Variants in BTG4 observed in about 807,000 individuals in gnomAD.
BTG4 encodes BTG anti-proliferation factor 4.
A neutral mutation model predicts 19.3 loss-of-function variants in BTG4; 10 were observed. That is an observed-to-expected ratio of 0.52 (90% CI 0.32 to 0.88). The LOEUF is 0.88. BTG4 is among the 40% of genes least tolerant of loss of function. The probability of loss-of-function intolerance (pLI) is 0.04; values close to 1 mark genes in which losing one functional copy is unlikely to be tolerated. For missense variants in BTG4, 238 were observed against 281.9 expected, an observed-to-expected ratio of 0.84 and a Z score of 1.11; for synonymous variants, 91 against 95.7, an observed-to-expected ratio of 0.95 and a Z score of 0.29.
intron 5 of BTG4, chr11:111,475,248 T>G (rs1397748861): frequency 1.3e-5 from 2 of 152,366 alleles, no homozygotes; most frequent in Non-Finnish European, 2.9e-5. Context: ...TAGTTTTAAG[T>G]GTATATATAA....
At chr11:111,505,412 G>T (rs1866379277) in intron 1 of BTG4, among the ~76,000 whole-genome samples, 1 of 152,006 alleles carries the variant, frequency 6.6e-6, no homozygotes. Context: ...GGAAAAACTG[G>T]CTAGCCATAT....
the BTG4 span, among the ~76,000 whole-genome samples, chr11:111,431,863 T>C: frequency 1.3e-5 from 2 of 152,130 alleles, no homozygotes; most frequent in East Asian, 3.9e-4. Context: ...CTTGACAGCC[T>C]CCAGAATGAA....
At chr11:111,509,200 A>G (rs1197819753) in intron 1 of BTG4, among the ~76,000 whole-genome samples, 1 of 152,224 alleles carries the variant, frequency 6.6e-6, no homozygotes, top group Non-Finnish European at 1.5e-5. Flanking sequence ...TTTTAGCTCA[A>G]AAGAAAATCT....
At chr11:111,488,164 G>C (rs1186486998) in intron 5 of BTG4, among the ~76,000 whole-genome samples, 1 of 152,086 alleles carries the variant, frequency 6.6e-6, no homozygotes, top group Non-Finnish European at 1.5e-5. Context: ...AAGCAAAAAA[G>C]AGCAAAACTG....
At chr11:111,481,456 A>G in intron 5 of BTG4, among the ~76,000 whole-genome samples, 1 of 151,816 alleles carries the variant, frequency 6.6e-6, no homozygotes, top group Admixed American at 6.6e-5. Context: ...GTATGTATAT[A>G]ATAAATTACA....
chr11:111,498,273 T>C, intron 2 of BTG4, 138 bp from the exon 3 acceptor site: 1 of 910,090 alleles, frequency 1.1e-6, no homozygotes, highest in Non-Finnish European at 1.7e-6. Context: ...TCCTCCACCC[T>C]CCACTCTTAC....
intron 1 of BTG4, among the ~76,000 whole-genome samples, chr11:111,508,159 T>C (rs1866597326): frequency 6.6e-6 from 1 of 152,236 alleles, no homozygotes; most frequent in Admixed American, 6.5e-5. Context: ...AACCAAGTCA[T>C]GCAAAGTTTC....
At chr11:111,504,493 T>C (rs778579540) in intron 1 of BTG4, among the ~76,000 whole-genome samples, 1 of 152,094 alleles carries the variant, frequency 6.6e-6, no homozygotes, top group Non-Finnish European at 1.5e-5. Context: ...CTATCTGCAT[T>C]ACTGAGCATT....
the BTG4 span, among the ~76,000 whole-genome samples, chr11:111,418,861 C>G: frequency 6.6e-6 from 1 of 152,186 alleles, no homozygotes; most frequent in Non-Finnish European, 1.5e-5. Context: ...CTAGGGCTGC[C>G]AAAACAAAGT....
chr11:111,436,216 C>T, the BTG4 span, among the ~76,000 whole-genome samples: 1 of 152,196 alleles, frequency 6.6e-6, no homozygotes, highest in Non-Finnish European at 1.5e-5. Flanking sequence ...CGATCAGTAG[C>T]TGCAAATCCA....
At chr11:111,405,430 AAAAAAG>A in the BTG4 span, among the ~76,000 whole-genome samples, 1 of 142,316 alleles carries the variant, frequency 7.0e-6, no homozygotes, top group Admixed American at 7.3e-5. Flanking sequence ...AAAAAAAAAA[AAAAAAG>A]ATGTCAGGAC....
chr11:111,496,427 C>A (rs913140812), intron 4 of BTG4: 4 of 152,068 alleles, frequency 2.6e-5, no homozygotes, highest in Non-Finnish European at 5.9e-5. Context: ...CATCACTATA[C>A]GAGTTACCAG....
chr11:111,406,373 T>TG, the BTG4 span, among the ~76,000 whole-genome samples: 1 of 152,210 alleles, frequency 6.6e-6, no homozygotes, highest in Non-Finnish European at 1.5e-5. Context: ...AGCAGGGCCC[T>TG]GCTGGCCCAC....
the BTG4 span, among the ~76,000 whole-genome samples, chr11:111,461,090 G>A: frequency 6.6e-6 from 1 of 152,190 alleles, no homozygotes; most frequent in Admixed American, 6.5e-5. Context: ...AGCAGAGGAA[G>A]CCCCGTCAGG....
At chr11:111,423,179 G>A in the BTG4 span, among the ~76,000 whole-genome samples, 1 of 151,950 alleles carries the variant, frequency 6.6e-6, no homozygotes, top group Non-Finnish European at 1.5e-5. Flanking sequence ...CAGCAAGAAG[G>A]GCCACCGCAG....
the BTG4 span, among the ~76,000 whole-genome samples, chr11:111,444,202 T>TAC: frequency 1.5e-5 from 1 of 66,180 alleles, no homozygotes; most frequent in African/African-American, 5.8e-5. Flanking sequence ...TGTGTGTGTG[T>TAC]GTGTGTGTAG....
chr11:111,456,329 C>T, the BTG4 span, among the ~76,000 whole-genome samples: 1 of 152,126 alleles, frequency 6.6e-6, no homozygotes, highest in African/African-American at 2.4e-5. This position sits in a 1 kb window ranked among gnomAD's most constrained non-coding sequence, Gnocchi z 4.2. Flanking sequence ...CACAATGGCA[C>T]GTGGAATACT....
intron 5 of BTG4, among the ~76,000 whole-genome samples, chr11:111,473,872 G>A (rs1864232122): frequency 1.3e-5 from 2 of 151,868 alleles, no homozygotes; most frequent in African/African-American, 4.8e-5. Context: ...TCTCATTCAG[G>A]GTTTCTTCCA....
the BTG4 span, among the ~76,000 whole-genome samples, chr11:111,459,253 T>A: frequency 3.3e-5 from 5 of 151,170 alleles, no homozygotes; most frequent in Admixed American, 1.3e-4. Context: ...AAAAAAAAAA[T>A]TGTGCATACT....
Sources: allele counts gnomAD v4.1 joint callset (sites outside exome capture counted in the v4.1 genomes callset), GRCh38; gene constraint gnomAD v4.1.1; non-coding constraint Gnocchi (gnomAD v3.1); transcripts MANE v1.5; gene names NCBI Gene and HGNC (gene_info 2026-07-23, HGNC 2026-07-21).